Variants in PCM1 observed in about 807,000 individuals in gnomAD.
PCM1 encodes the protein pericentriolar material 1.
Under a neutral mutation model 241.9 loss-of-function variants are expected in PCM1, and 157 were observed. The observed-to-expected ratio is 0.65, with a 90% CI of 0.57 to 0.74. The LOEUF (loss-of-function observed/expected upper bound fraction) is 0.74, where lower values mean the gene tolerates loss of function less well. Ranked by LOEUF, PCM1 falls within the 30% of genes least tolerant of loss-of-function variation. The pLI, the probability that PCM1 is intolerant of heterozygous loss-of-function variation, is 0.00. For synonymous variants in PCM1, 1,085 were observed against 784.9 expected (o/e 1.38, Z -6.39); for missense variants, 3,478 against 2,360.1 (o/e 1.47, Z -9.81).
intron 17 of PCM1, among the ~76,000 whole-genome samples, chr8:17,964,217 C>T (rs1046200604): frequency 6.6e-6 from 1 of 152,128 alleles, no homozygotes; most frequent in Non-Finnish European, 1.5e-5. Flanking sequence ...TATTGGATAG[C>T]ACAGATACAG....
Position 18,014,683 on chromosome 8 carries a change from T to C in PCM1, c.5684T>C (p.Val1895Ala), listed in dbSNP as rs201422570. Residue 1895 changes from valine (V) to alanine (A), a missense_variant, in exon 36 of 39, where the codon GTT (valine) becomes GCT (alanine). Val to Ala is a moderately conservative substitution (Grantham distance 64). Coordinates refer to ENST00000325083, the MANE Select transcript of PCM1 (RefSeq NM_006197.4). ...GCCCATAAGGAGTCACCTCCTACTG[T>C]TGATTCAACTCAACAGCCTAACCCT... is the stretch of plus-strand genomic sequence containing the variant. ...SAAHKESPPT[V>A]DSTQQPNPLP... 6.2e-7 allele frequency: 1 copy of C among 1,613,890 alleles called. No homozygotes were observed. The highest frequency in any genetic ancestry group is 1.3e-5 in the African/African-American group (1 of 75,042).
chr8:17,988,988 A>T (rs1026468909), intron 26 of PCM1, among the ~76,000 whole-genome samples: 10 of 152,032 alleles, frequency 6.6e-5, no homozygotes, highest in African/African-American at 2.4e-4. Context: ...TGCATCACAA[A>T]AACACTTGCA....
In PCM1 at chr8:18,029,742, A is replaced by G. The variant is rs1198538748; in HGVS notation, c.*2080A>G. The G allele has an allele frequency of 5.1e-6, 1 of 194,512 alleles. No individual in the cohort carries two copies. The highest frequency in any genetic ancestry group is 2.3e-5 in the African/African-American group (1 of 43,196). The allele number at this position is 194,512 out of a possible 1,614,324, so 12.0% of individuals were successfully genotyped here. A position where few individuals can be genotyped will look rare whatever the true frequency, so the allele number is the denominator to read the frequency against. ...GAAGGGTTAGGCATTCAGTATTCCT[A>G]TTTGTCCTAATTTTGAAGTTAAAAA... is the stretch of plus-strand genomic sequence containing the variant. On this transcript the variant is annotated 3_prime_UTR_variant, in exon 39 of 39. Coordinates refer to ENST00000325083, the MANE Select transcript of PCM1 (RefSeq NM_006197.4).
intron 23 of PCM1, among the ~76,000 whole-genome samples, chr8:17,976,130 C>T (rs527980390): frequency 6.7e-4 from 102 of 152,240 alleles, no homozygotes; most frequent in Non-Finnish European, 1.2e-3. Flanking sequence ...ATGAAATGGA[C>T]GTGAAACATT....
At chr8:17,923,271 G>A (rs1466821078) in intron 1 of PCM1, 83 bp downstream of exon 1, 1 of 152,416 alleles carries the variant, frequency 6.6e-6, no homozygotes, top group Non-Finnish European at 1.5e-5. Flanking sequence ...GGGACACTCG[G>A]CCCTGTTGGG....
intron 20 of PCM1, 62 bp downstream of exon 20, chr8:17,966,535 A>G (rs1359426553): frequency 3.6e-5 from 53 of 1,475,796 alleles, no homozygotes; most frequent in Non-Finnish European, 4.7e-5. Context: ...GAGGTTTTAC[A>G]GTTAGCTTCT....
intron 6 of PCM1, among the ~76,000 whole-genome samples, chr8:17,943,149 C>T (rs2062713372): frequency 6.6e-6 from 1 of 150,706 alleles, no homozygotes; most frequent in Non-Finnish European, 1.5e-5. Context: ...CTACACTTTC[C>T]CATTTTGTGG....
chr8:18,026,397 A>G (rs986602767), intron 38 of PCM1, among the ~76,000 whole-genome samples: 1 of 148,570 alleles, frequency 6.7e-6, no homozygotes, highest in Non-Finnish European at 1.5e-5. Flanking sequence ...AGCTGGGACT[A>G]CAGGCGCCCG....
chr8:17,996,119 C>T (rs1457905121), intron 29 of PCM1, among the ~76,000 whole-genome samples: 2 of 152,132 alleles, frequency 1.3e-5, no homozygotes, highest in Non-Finnish European at 2.9e-5. Flanking sequence ...TTCCAGATCA[C>T]AAAGGAATGG....
In PCM1 at chr8:17,937,081, A is replaced by G. The variant is rs975567412; in HGVS notation, c.97-53A>G. On this transcript the variant is annotated intron_variant, in intron 3 of 38. Coordinates refer to ENST00000325083, the MANE Select transcript of PCM1 (RefSeq NM_006197.4). The stretch of plus-strand genomic sequence containing the variant: ...CAAAACTTTTTAATTATACCAATCT[A>G]TTTTCCTGGTTTGATACAGGCCATG... 4.9e-6 allele frequency: 7 copies of G among 1,416,460 alleles called. No individual in the cohort carries two copies. In the East Asian group the frequency reaches 7.5e-5, roughly 15 times the overall value. The allele number at this position is 1,416,460 out of a possible 1,614,324, so 87.7% of individuals were successfully genotyped here.
At chr8:17,976,542 C>T (rs556810510) in intron 23 of PCM1, among the ~76,000 whole-genome samples, 2 of 152,304 alleles carry the variant, frequency 1.3e-5, no homozygotes, top group East Asian at 1.9e-4. Context: ...CCTCTCTTGT[C>T]CATGTTCCAG....
chr8:18,023,497 G>T (rs1343470975), intron 36 of PCM1, among the ~76,000 whole-genome samples: 1 of 152,154 alleles, frequency 6.6e-6, no homozygotes, highest in Non-Finnish European at 1.5e-5. Flanking sequence ...TGAGTCATTT[G>T]GTCTCACTGG....
chr8:17,955,750 TTAA>T, intron 10 of PCM1, 97 bp downstream of exon 10: 1 of 923,170 alleles, frequency 1.1e-6, no homozygotes, highest in Non-Finnish European at 1.7e-6. Flanking sequence ...CGAGATTTAT[TTAA>T]TATTGTTGTA....
At chr8:17,944,914 A>G (rs2063295177) in intron 6 of PCM1, among the ~76,000 whole-genome samples, 1 of 152,182 alleles carries the variant, frequency 6.6e-6, no homozygotes, top group Non-Finnish European at 1.5e-5. Context: ...CTTTATGATT[A>G]GGTTATCACA....
chr8:17,998,231 A>G (rs917053517), intron 29 of PCM1, among the ~76,000 whole-genome samples: 4 of 151,154 alleles, frequency 2.6e-5, no homozygotes, highest in African/African-American at 4.9e-5. Context: ...GATTTTCTGT[A>G]TGGTCTTGAT....
In PCM1 at chr8:17,991,540, A is replaced by C. The variant is rs752267564; in HGVS notation, c.4532-2A>C. The C allele has an allele frequency of 1.3e-6, 2 of 1,591,088 alleles. No homozygotes were observed. The highest frequency in any genetic ancestry group is 1.1e-5 in the South Asian group (1 of 86,976). The stretch of plus-strand genomic sequence containing the variant: ...CAAAAAATATTTTTGTTCCAAATGT[A>C]GGTAACACCGTGATTCACTTAGATC... On this transcript the variant is annotated splice_acceptor_variant, in intron 27 of 38. Coordinates refer to ENST00000325083, the MANE Select transcript of PCM1 (RefSeq NM_006197.4). LOFTEE classifies it high-confidence loss of function.
At chr8:18,003,751 T>C (rs2090383196) in intron 29 of PCM1, among the ~76,000 whole-genome samples, 3 of 152,128 alleles carry the variant, frequency 2.0e-5, no homozygotes, top group Admixed American at 2.0e-4. Flanking sequence ...TTCCTGTTAC[T>C]TATAAATATA....
chr8:17,952,826 TAG>T (rs1429521568), intron 8 of PCM1, 142 bp from the exon 9 acceptor site: 2 of 521,328 alleles, frequency 3.8e-6, no homozygotes, highest in Non-Finnish European at 6.7e-6. Flanking sequence ...AATTTGGGAA[TAG>T]TAAGGGTATA....
intron 21 of PCM1, among the ~76,000 whole-genome samples, chr8:17,968,027 G>A (rs2075547676): frequency 6.6e-6 from 1 of 150,520 alleles, no homozygotes. Flanking sequence ...GCAAATGCTG[G>A]GAAGTGTCAG....
Sources: allele counts gnomAD v4.1 joint callset (sites outside exome capture counted in the v4.1 genomes callset), GRCh38; gene constraint gnomAD v4.1.1; transcripts MANE v1.5; gene names NCBI Gene and HGNC (gene_info 2026-07-23, HGNC 2026-07-21).